Variants in CATSPER3 observed in about 807,000 individuals in gnomAD.
The protein encoded by CATSPER3 is cation channel sperm associated 3, also known as cation channel sperm-associated protein 3.
Under a neutral mutation model 36.6 loss-of-function variants are expected in CATSPER3, and 23 were observed. The observed-to-expected ratio is 0.63, with a 90% confidence interval of 0.45 to 0.89. The LOEUF is 0.89. Ranked by LOEUF, CATSPER3 falls within the 40% of genes least tolerant of loss-of-function variation. The pLI is 0.00. For missense variants in CATSPER3, 474 were observed against 503.9 expected (o/e 0.94, Z 0.57); for synonymous variants, 172 against 184.1 (o/e 0.93, Z 0.53).
At chr5:134,976,061 C>CT (rs1198230623) in intron 2 of CATSPER3, among the ~76,000 whole-genome samples, 3 of 152,154 alleles carry the variant, frequency 2.0e-5, no homozygotes, top group African/African-American at 7.2e-5. Flanking sequence ...CATGTGGAAT[C>CT]TAAAAAAGTT....
At chr5:135,000,392 G>C (rs1752005585) in intron 3 of CATSPER3, among the ~76,000 whole-genome samples, 1 of 152,118 alleles carries the variant, frequency 6.6e-6, no homozygotes, top group Admixed American at 6.5e-5. Context: ...TTTTTTTGTT[G>C]TGTCTTTGCC....
intron 1 of CATSPER3, 194 bp from the exon 2 acceptor site, chr5:134,969,745 G>A (rs74567041): frequency 0.014 from 9,148 of 632,658 alleles, 74 homozygotes; most frequent in Middle Eastern, 0.035. Context: ...ACTGAGTGAG[G>A]ACAGAGTATC....
intron 3 of CATSPER3, among the ~76,000 whole-genome samples, chr5:135,006,032 G>A (rs1346941873): frequency 6.6e-6 from 1 of 152,138 alleles, no homozygotes; most frequent in Non-Finnish European, 1.5e-5. Context: ...CCCCCCAAAA[G>A]AATTTGGGAA....
intron 2 of CATSPER3, among the ~76,000 whole-genome samples, chr5:134,994,397 G>A (rs984982484): frequency 6.6e-6 from 1 of 152,206 alleles, no homozygotes; most frequent in African/African-American, 2.4e-5. Context: ...TCACATTGAT[G>A]AAGTCTGATA....
intron 7 of CATSPER3, among the ~76,000 whole-genome samples, chr5:135,011,092 G>A (rs1752175253): frequency 1.3e-5 from 2 of 152,206 alleles, no homozygotes; most frequent in African/African-American, 2.4e-5. Flanking sequence ...AGGAGCTACG[G>A]TGGGCTGTGG....
chr5:134,984,976 G>A (rs1467355133), intron 2 of CATSPER3, among the ~76,000 whole-genome samples: 15 of 152,082 alleles, frequency 9.9e-5, no homozygotes, highest in East Asian at 3.9e-4. Context: ...ACGCCACCAC[G>A]CCTGGCTAAT....
At chr5:134,969,507 C>T (rs12515798) in intron 1 of CATSPER3, 25,897 of 181,246 alleles carry the variant, frequency 0.14, 2,190 homozygotes, top group East Asian at 0.21. Context: ...TTTTTTATTA[C>T]TGATGTGAGC....
intron 2 of CATSPER3, among the ~76,000 whole-genome samples, chr5:134,991,349 CGAG>C (rs1393455624): frequency 6.6e-6 from 1 of 152,058 alleles, no homozygotes; most frequent in Admixed American, 6.5e-5. Context: ...ATATTGAAAA[CGAG>C]GAACAAAGTT....
At chr5:134,989,500 A>G (rs1486653592) in intron 2 of CATSPER3, among the ~76,000 whole-genome samples, 1 of 152,216 alleles carries the variant, frequency 6.6e-6, no homozygotes, top group East Asian at 1.9e-4. Flanking sequence ...CAGCTTCTCT[A>G]TCAGCACTTG....
At chr5:134,968,387 A>T (rs990959467) in intron 1 of CATSPER3, 1 of 379,130 alleles carries the variant, frequency 2.6e-6, no homozygotes, top group Non-Finnish European at 5.0e-6. Context: ...ACATATCTTG[A>T]TATATTAGAA....
chr5:135,001,026 A>G (rs1752013573), intron 3 of CATSPER3, among the ~76,000 whole-genome samples: 1 of 152,044 alleles, frequency 6.6e-6, no homozygotes, highest in African/African-American at 2.4e-5. Flanking sequence ...TAGGGTGTCA[A>G]TTTTAGATCT....
chr5:135,000,054 A>C lies in CATSPER3; in HGVS notation c.492+3542A>C, dbSNP rs1192730705. The stretch of plus-strand genomic sequence containing the variant: ...GGTATCGGCTGTGGATTTGTCATAA[A>C]TAGCTCTTATTATTTTGAGATACGT... On this transcript the variant is annotated intron_variant, in intron 3 of 7. Transcript: ENST00000282611. Among the ~76,000 whole-genome samples the C allele has an allele frequency of 1.3e-5, 2 of 152,182 alleles. 1 individual carries two copies. The highest frequency in any genetic ancestry group is 2.9e-5 in the Non-Finnish European group (2 of 68,028).
chr5:134,985,368 C>CG (rs1751795965), intron 2 of CATSPER3, among the ~76,000 whole-genome samples: 4 of 152,086 alleles, frequency 2.6e-5, no homozygotes, highest in Non-Finnish European at 4.4e-5. Context: ...TAAGTGGGAG[C>CG]TAAACTGTGG....
intron 2 of CATSPER3, among the ~76,000 whole-genome samples, chr5:134,977,606 T>A (rs1751689558): frequency 6.6e-6 from 1 of 152,208 alleles, no homozygotes; most frequent in Non-Finnish European, 1.5e-5. Flanking sequence ...CTTCCTGACT[T>A]CTGAGACTTC....
chr5:134,974,960 C>T (rs1290858562), intron 2 of CATSPER3, among the ~76,000 whole-genome samples: 1 of 152,052 alleles, frequency 6.6e-6, no homozygotes, highest in Non-Finnish European at 1.5e-5. Context: ...GGTTTAGGGA[C>T]CTGGTTTGCA....
chr5:134,989,331 T>G (rs531868919), intron 2 of CATSPER3, among the ~76,000 whole-genome samples: 1 of 152,346 alleles, frequency 6.6e-6, no homozygotes, highest in East Asian at 1.9e-4. Context: ...TTTGAAGTTT[T>G]GAAGCCAGGC....
chr5:134,994,599 G>T (rs1320593597), intron 2 of CATSPER3, among the ~76,000 whole-genome samples: 1 of 152,154 alleles, frequency 6.6e-6, no homozygotes, highest in Non-Finnish European at 1.5e-5. Context: ...AAACATACAA[G>T]AATTGTTGTG....
At chr5:134,975,889 A>G (rs1751667060) in intron 2 of CATSPER3, among the ~76,000 whole-genome samples, 1 of 152,210 alleles carries the variant, frequency 6.6e-6, no homozygotes, top group African/African-American at 2.4e-5. Context: ...TCATCAATGG[A>G]TGAATGGATT....
At chr5:134,999,403 G>A (rs1366026007) in intron 3 of CATSPER3, among the ~76,000 whole-genome samples, 1 of 152,028 alleles carries the variant, frequency 6.6e-6, no homozygotes, top group Non-Finnish European at 1.5e-5. Context: ...CTCTTTTTTG[G>A]TTCCATATGA....
Sources: gnomAD v4.1 joint callset for allele counts (sites outside exome capture counted in the v4.1 genomes callset) on GRCh38, gnomAD v4.1.1 for gene constraint, MANE v1.5 for transcripts, NCBI Gene and HGNC (gene_info 2026-07-23, HGNC 2026-07-21) for gene names.